ELMO2: variants seen among roughly 807,000 people sequenced by gnomAD.
ELMO2 encodes the protein engulfment and cell motility protein 2.
Under a neutral mutation model 96.2 loss-of-function variants are expected in ELMO2, and 37 were observed. The ratio of observed to expected loss-of-function variants is 0.38; its 90% CI spans 0.30 to 0.51. The LOEUF (loss-of-function observed/expected upper bound fraction) is 0.51. Ranked by LOEUF, ELMO2 falls within the 20% of genes least tolerant of loss-of-function variation. ELMO2 has a pLI of 0.88. For missense variants in ELMO2, 561 were observed against 912.6 expected (o/e 0.61, Z 4.96); for synonymous variants, 315 against 329.4 (o/e 0.96, Z 0.47).
At chr20:46,378,035 T>TTA in intron 11 of ELMO2, among the ~76,000 whole-genome samples, 1 of 152,346 alleles carries the variant, frequency 6.6e-6, no homozygotes, top group South Asian at 2.1e-4. Context: ...CTCCCTAATT[T>TTA]ATAAAACAGC....
chr20:46,373,608 T>C, intron 15 of ELMO2, 73 bp from the exon 16 acceptor site: 1 of 1,573,166 alleles, frequency 6.4e-7, no homozygotes, highest in South Asian at 1.2e-5. Flanking sequence ...GTCTGGAAAC[T>C]TTGCACCAAA....
intron 1 of ELMO2, among the ~76,000 whole-genome samples, chr20:46,402,499 T>A (rs1402148270): frequency 6.6e-6 from 1 of 152,130 alleles, no homozygotes; most frequent in African/African-American, 2.4e-5. Context: ...AAACAGAAAC[T>A]GAGATGGAAA....
chr20:46,379,086 G>A (rs1397661752), intron 11 of ELMO2, among the ~76,000 whole-genome samples: 7 of 151,896 alleles, frequency 4.6e-5, no homozygotes, highest in Admixed American at 3.3e-4. Context: ...TCCACCTCCC[G>A]GGTTTCAAGC....
At chr20:46,400,180 T>C (rs1307882119) in intron 1 of ELMO2, among the ~76,000 whole-genome samples, 1 of 152,094 alleles carries the variant, frequency 6.6e-6, no homozygotes, top group Non-Finnish European at 1.5e-5. Context: ...TGTTTTCATA[T>C]CAAACATTAG....
intron 1 of ELMO2, among the ~76,000 whole-genome samples, chr20:46,401,893 T>TGAGG (rs1819990364): frequency 6.6e-6 from 1 of 152,228 alleles, no homozygotes; most frequent in African/African-American, 2.4e-5. Flanking sequence ...CTTCTGTACA[T>TGAGG]ACCTTCCTGA....
chr20:46,403,809 C>T (rs151174137), intron 1 of ELMO2, among the ~76,000 whole-genome samples: 494 of 152,280 alleles, frequency 3.2e-3, no homozygotes, highest in Non-Finnish European at 4.6e-3. Flanking sequence ...GTAGGCCGGG[C>T]GCCGTGGCTC....
intron 11 of ELMO2, among the ~76,000 whole-genome samples, chr20:46,379,471 A>G (rs1000354169): frequency 6.6e-6 from 1 of 152,050 alleles, no homozygotes; most frequent in African/African-American, 2.4e-5. Context: ...TAGCAAACAC[A>G]TGTCTTTCAT....
intron 21 of ELMO2, among the ~76,000 whole-genome samples, chr20:46,368,650 C>G (rs529274327): frequency 6.6e-6 from 1 of 152,320 alleles, no homozygotes; most frequent in South Asian, 2.1e-4. Flanking sequence ...CTGGAGGAAC[C>G]TCAGGTCCAG....
In ELMO2 at chr20:46,393,534, C is replaced by T. The variant is rs1325737958; in HGVS notation, c.187G>A (p.Glu63Lys). The T allele has an allele frequency of 3.7e-6, 6 of 1,614,150 alleles. No homozygotes were observed. The highest frequency in any genetic ancestry group is 3.3e-5 in the South Asian group (3 of 91,072). The change falls in exon 5 of 22, where the codon GAA becomes AAA. Residue 63 changes from glutamate (E) to lysine (K), a missense_variant. By Grantham distance (56) the Glu-to-Lys change is moderately conservative. Transcript: ENST00000290246. ...YADGPQLYITEQTRSDIKNGT... is the reference protein window; with the variant it reads ...YADGPQLYITKQTRSDIKNGT... ...TTGCCTCTCCCTGTACTAACCTGTT[C>T]GGTGATGTACAGCTGAGGACCATCT...
chr20:46,402,214 G>A (rs2060348094), intron 1 of ELMO2, among the ~76,000 whole-genome samples: 1 of 152,154 alleles, frequency 6.6e-6, no homozygotes. Context: ...CTGAGGGCAA[G>A]GACTCATGAA....
Position 46,389,145 on chromosome 20 carries a change from G to C in ELMO2, c.319C>G (p.Leu107Val), listed in dbSNP as rs767227832. The change falls in exon 7 of 22, where the codon CTG (leucine) becomes GTG (valine). Residue 107 changes from leucine to valine, a missense_variant. Coordinates refer to ENST00000290246, the MANE Select transcript of ELMO2 (RefSeq NM_133171.5). ...METRLDAMKELAKLSADVTFA... is the reference protein window; with the variant it reads ...METRLDAMKEVAKLSADVTFA... ...GTCACGTCGGCAGAGAGCTTGGCCA[G>C]CTCCTTCATGGCATCCAGCCGGGTC... 2.5e-6 allele frequency: 4 copies of C among 1,614,186 alleles called. No homozygotes were observed. In the Admixed American group the frequency reaches 5.0e-5, roughly 20 times the overall value.
Position 46,375,752 on chromosome 20 carries a change from C to T in ELMO2, c.846G>A (p.Met282Ile). 1 of 1,614,140 alleles carries T rather than the reference C, an allele frequency of 6.2e-7. No homozygotes were observed. The highest frequency in any genetic ancestry group is 2.2e-5 in the East Asian group (1 of 44,884). Residue 282 changes from methionine to isoleucine, a missense_variant, in exon 12 of 22, where the codon ATG becomes ATA. Transcript: ENST00000290246. This position sits in a 1 kb window ranked among gnomAD's most constrained non-coding sequence, Gnocchi z 4.6. ...CTTGAAGGACATATAGCTGATGGGC[C>T]ATCTCAGTTTTGATGGGGCGGTTCC... ...IRGNRPIKTE[M>I]AHQLYVLQVL...
At chr20:46,389,368 T>C (rs1461948894) in intron 6 of ELMO2, 148 bp from the exon 7 acceptor site, 3 of 751,230 alleles carry the variant, frequency 4.0e-6, no homozygotes, top group Non-Finnish European at 4.3e-6. Context: ...AAATAAATGT[T>C]TGTGGAATCA....
At chr20:46,385,237 T>G (rs1410699177) in intron 9 of ELMO2, among the ~76,000 whole-genome samples, 1 of 152,186 alleles carries the variant, frequency 6.6e-6, no homozygotes, top group Non-Finnish European at 1.5e-5. Context: ...ACCACTGTTT[T>G]GCAAAGTCCA....
intron 2 of ELMO2, among the ~76,000 whole-genome samples, chr20:46,396,638 G>C (rs1403405719): frequency 6.6e-6 from 1 of 152,088 alleles, no homozygotes; most frequent in African/African-American, 2.4e-5. Flanking sequence ...TGACTTTTTA[G>C]ATCATTTGTT....
chr20:46,386,200 C>T lies in ELMO2; in HGVS notation c.601G>A (p.Val201Ile), dbSNP rs200876773. Residue 201 changes from valine (V) to isoleucine (I), a missense_variant, in exon 9 of 22, where the codon GTC (valine) becomes ATC (isoleucine). Coordinates refer to ENST00000290246, the MANE Select transcript of ELMO2 (RefSeq NM_133171.5). ...QRSLAILESM[V>I]LNSQSLYQKI... ...TGGTACAGACTCTGGCTGTTCAAGA[C>T]CATGCTCTCCAGGATGGCCAGGGAC... 1 of 1,614,162 alleles carries T rather than the reference C, an allele frequency of 6.2e-7. No individual in the cohort carries two copies.
At chr20:46,389,580 G>C (rs866423222) in intron 6 of ELMO2, among the ~76,000 whole-genome samples, 1 of 152,184 alleles carries the variant, frequency 6.6e-6, no homozygotes, top group Non-Finnish European at 1.5e-5. Flanking sequence ...TGCTGGGTGC[G>C]TGGCTCATGC....
chr20:46,382,391 T>G, intron 10 of ELMO2: 1 of 624,754 alleles, frequency 1.6e-6, no homozygotes, highest in Non-Finnish European at 2.5e-6. Context: ...TGGTCTTCCC[T>G]CTAGAATCTA....
At chr20:46,373,580 A>T (rs1008819906) in intron 15 of ELMO2, 45 bp from the exon 16 acceptor site, 7 of 1,607,102 alleles carry the variant, frequency 4.4e-6, no homozygotes, top group Non-Finnish European at 6.0e-6. Flanking sequence ...CTCTGTCCAC[A>T]AGGGCCTGGG....
Sources: gnomAD v4.1 joint callset for allele counts (sites outside exome capture counted in the v4.1 genomes callset) on GRCh38, gnomAD v4.1.1 for gene constraint, Gnocchi (gnomAD v3.1) non-coding constraint, MANE v1.5 for transcripts, NCBI Gene and HGNC (gene_info 2026-07-23, HGNC 2026-07-21) for gene names.